Variants in ZNF804A observed in about 807,000 individuals in gnomAD.
ZNF804A encodes the protein zinc finger protein 804A.
ZNF804A carries 2 observed loss-of-function variants against 16.5 expected under a neutral mutation model. The observed-to-expected ratio is 0.12, with a 90% CI of 0.05 to 0.38. The LOEUF (loss-of-function observed/expected upper bound fraction) is 0.38, where lower values mean the gene tolerates loss of function less well. Ranked by LOEUF, ZNF804A falls within the 10% of genes least tolerant of loss-of-function variation. The pLI is 0.99. For missense variants in ZNF804A, 1,473 were observed against 1,390.7 expected, an observed-to-expected ratio of 1.06 and a Z score of -0.94; for synonymous variants, 534 against 489.6, an observed-to-expected ratio of 1.09 and a Z score of -1.20.
At chr2:184,636,109 G>A (rs372344009) in intron 1 of ZNF804A, among the ~76,000 whole-genome samples, 2 of 151,850 alleles carry the variant, frequency 1.3e-5, no homozygotes, top group South Asian at 2.1e-4. Context: ...TTTTATATAT[G>A]CATGTACACG....
intron 1 of ZNF804A, among the ~76,000 whole-genome samples, chr2:184,809,717 A>G (rs1421122298): frequency 6.6e-6 from 1 of 151,952 alleles, no homozygotes; most frequent in East Asian, 1.9e-4. Flanking sequence ...GCTACAAAAA[A>G]TTATCCCTGT....
chr2:184,643,865 T>G (rs1296074221), intron 1 of ZNF804A, among the ~76,000 whole-genome samples: 1 of 151,562 alleles, frequency 6.6e-6, no homozygotes, highest in Non-Finnish European at 1.5e-5. Context: ...GAACAGAACC[T>G]GACAATATGG....
At chr2:184,896,715 T>C (rs1236355935) in intron 2 of ZNF804A, among the ~76,000 whole-genome samples, 2 of 152,084 alleles carry the variant, frequency 1.3e-5, no homozygotes, top group African/African-American at 2.4e-5. Context: ...TTTTGTTTTC[T>C]TGTTTGCTAG....
chr2:184,752,538 A>T (rs1312990464), intron 1 of ZNF804A, among the ~76,000 whole-genome samples: 1 of 151,648 alleles, frequency 6.6e-6, no homozygotes, highest in African/African-American at 2.4e-5. Context: ...AATGTTCACT[A>T]TTTGCAACTG....
At chr2:184,620,638 C>T (rs548409240) in intron 1 of ZNF804A, among the ~76,000 whole-genome samples, 4 of 151,444 alleles carry the variant, frequency 2.6e-5, no homozygotes, top group Admixed American at 2.6e-4. Context: ...TTTGCTTGAG[C>T]CTGTTGAAAG....
At chr2:184,818,717 A>G (rs565235913) in intron 1 of ZNF804A, among the ~76,000 whole-genome samples, 2 of 152,054 alleles carry the variant, frequency 1.3e-5, no homozygotes, top group African/African-American at 4.8e-5. Flanking sequence ...GAAAATTTAG[A>G]AGGCAAATAA....
intron 1 of ZNF804A, among the ~76,000 whole-genome samples, chr2:184,766,507 A>G (rs1694129895): frequency 6.6e-6 from 1 of 151,964 alleles, no homozygotes; most frequent in South Asian, 2.1e-4. Context: ...TAGAGTGAAT[A>G]TATAACCTTG....
intron 2 of ZNF804A, among the ~76,000 whole-genome samples, chr2:184,911,091 C>T (rs531831492): frequency 9.2e-5 from 14 of 151,902 alleles, no homozygotes; most frequent in South Asian, 4.1e-4. Flanking sequence ...TTTTCTTCTA[C>T]GATTCTTATA....
At chr2:184,622,435 T>A (rs1421706977) in intron 1 of ZNF804A, among the ~76,000 whole-genome samples, 1 of 151,748 alleles carries the variant, frequency 6.6e-6, no homozygotes. Flanking sequence ...TGGAGCTTAT[T>A]GAGATAAATT....
rs1276290130 is a variant in ZNF804A at position 184,701,718 on chromosome 2, TA to T, written c.111+102651del. On this transcript the variant is annotated intron_variant, in intron 1 of 3. Coordinates refer to ENST00000302277, the MANE Select transcript of ZNF804A (RefSeq NM_194250.2). ...ATATCATAAAAATATGAAGGCAAAT[TA>T]AATGCTATGCATTCATAGTACAGTC... Among the ~76,000 whole-genome samples, 9 of 152,066 alleles carry T rather than the reference TA, an allele frequency of 5.9e-5. No homozygotes were observed. The East Asian group carries it at 1.7e-3, about 29-fold the overall frequency.
At chr2:184,742,268 A>G (rs1039939408) in intron 1 of ZNF804A, among the ~76,000 whole-genome samples, 1 of 152,006 alleles carries the variant, frequency 6.6e-6, no homozygotes, top group African/African-American at 2.4e-5. Flanking sequence ...ATTTCTTATT[A>G]TCCATTGTTA....
intron 1 of ZNF804A, among the ~76,000 whole-genome samples, chr2:184,720,205 A>G (rs934831173): frequency 6.6e-6 from 1 of 152,154 alleles, no homozygotes; most frequent in Non-Finnish European, 1.5e-5. Flanking sequence ...CGCTCCCATA[A>G]TTCAGTCACC....
At chr2:184,931,625 C>T (rs979966034) in intron 2 of ZNF804A, among the ~76,000 whole-genome samples, 3 of 152,224 alleles carry the variant, frequency 2.0e-5, no homozygotes, top group African/African-American at 4.8e-5. Flanking sequence ...GGGCCTGTGA[C>T]AGGACAGGCT....
chr2:184,601,740 C>A (rs998119257), intron 1 of ZNF804A, among the ~76,000 whole-genome samples: 2 of 151,668 alleles, frequency 1.3e-5, no homozygotes, highest in African/African-American at 4.8e-5. Context: ...AATAATATCG[C>A]AAATGTTTTT....
intron 1 of ZNF804A, among the ~76,000 whole-genome samples, chr2:184,722,070 T>C (rs993743491): frequency 2.6e-5 from 4 of 151,922 alleles, no homozygotes; most frequent in South Asian, 2.1e-4. Context: ...TGATAGACAC[T>C]ACACTCTGAG....
intron 1 of ZNF804A, among the ~76,000 whole-genome samples, chr2:184,818,240 T>C (rs1309832394): frequency 1.3e-5 from 2 of 151,998 alleles, no homozygotes; most frequent in African/African-American, 4.8e-5. Context: ...CACAAGAGAC[T>C]GGGGGCTAAT....
intron 1 of ZNF804A, among the ~76,000 whole-genome samples, chr2:184,851,918 C>T (rs1270843668): frequency 6.6e-6 from 1 of 151,780 alleles, no homozygotes; most frequent in Admixed American, 6.6e-5. Flanking sequence ...TTTTACTTTG[C>T]ATTTCTCTGA....
intron 1 of ZNF804A, among the ~76,000 whole-genome samples, chr2:184,714,564 A>T (rs1374529172): frequency 1.3e-5 from 2 of 152,164 alleles, no homozygotes; most frequent in African/African-American, 4.8e-5. Context: ...AAATGAAATT[A>T]TCTAAAAAGT....
At chr2:184,922,627 C>T (rs1685547002) in intron 2 of ZNF804A, among the ~76,000 whole-genome samples, 1 of 151,774 alleles carries the variant, frequency 6.6e-6, no homozygotes, top group Non-Finnish European at 1.5e-5. Context: ...GTCCATGTTT[C>T]CTTTGATTGT....
Sources: allele counts gnomAD v4.1 joint callset (sites outside exome capture counted in the v4.1 genomes callset), GRCh38; gene constraint gnomAD v4.1.1; transcripts MANE v1.5; gene names NCBI Gene and HGNC (gene_info 2026-07-23, HGNC 2026-07-21).